The following THADA variants were observed in gnomAD, a reference collection of about 807,000 sequenced individuals.
The protein encoded by THADA is tRNA (32-2'-O)-methyltransferase regulator THADA.
Under a neutral mutation model 219.8 loss-of-function variants are expected in THADA, and 213 were observed. The observed-to-expected ratio is 0.97, with a 90% CI of 0.87 to 1.09. The LOEUF (loss-of-function observed/expected upper bound fraction) is 1.09, where lower values mean the gene tolerates loss of function less well. THADA is among the 50% of genes least tolerant of loss of function. The probability of loss-of-function intolerance (pLI) is 0.00; values close to 1 mark genes in which losing one functional copy is unlikely to be tolerated. For missense variants in THADA, 2,956 were observed against 2,311.3 expected, an observed-to-expected ratio of 1.28 and a Z score of -5.72; for synonymous variants, 1,018 against 828.9, an observed-to-expected ratio of 1.23 and a Z score of -3.92.
intron 29 of THADA, among the ~76,000 whole-genome samples, chr2:43,383,083 A>G (rs960451855): frequency 3.9e-5 from 6 of 152,244 alleles, no homozygotes; most frequent in African/African-American, 1.4e-4. Context: ...CAAAGAAAGC[A>G]CCATGTATGA....
chr2:43,431,112 A>G (rs760858873), intron 26 of THADA, among the ~76,000 whole-genome samples: 3 of 152,246 alleles, frequency 2.0e-5, no homozygotes, highest in Non-Finnish European at 4.4e-5. Flanking sequence ...CTCCATAACT[A>G]TTAAAGAATT....
intron 30 of THADA, among the ~76,000 whole-genome samples, chr2:43,336,213 C>T (rs1666413445): frequency 6.6e-6 from 1 of 152,150 alleles, no homozygotes; most frequent in African/African-American, 2.4e-5. Context: ...GAGCTATGAC[C>T]ATGCCACTGC....
intron 35 of THADA, among the ~76,000 whole-genome samples, chr2:43,281,632 G>C (rs1299240359): frequency 1.9e-4 from 29 of 151,540 alleles, no homozygotes. Context: ...GTAGGGACAG[G>C]TTTTCACCAT....
intron 36 of THADA, among the ~76,000 whole-genome samples, chr2:43,250,343 A>G (rs1331787319): frequency 6.6e-6 from 1 of 152,226 alleles, no homozygotes; most frequent in Non-Finnish European, 1.5e-5. Context: ...GAAAAAACTT[A>G]ATAGGAAAAG....
intron 22 of THADA, 56 bp downstream of exon 22, chr2:43,527,823 A>G: frequency 8.1e-7 from 1 of 1,230,168 alleles, no homozygotes; most frequent in Non-Finnish European, 1.2e-6. Context: ...TACTCCAAGC[A>G]TATGCTTTGT....
intron 14 of THADA, 72 bp from the exon 15 acceptor site, chr2:43,566,893 C>CCACT: frequency 1.9e-6 from 2 of 1,064,514 alleles, no homozygotes; most frequent in Non-Finnish European, 2.5e-6. Flanking sequence ...TATTAAACAC[C>CCACT]CTTTAAGAGT....
intron 25 of THADA, among the ~76,000 whole-genome samples, chr2:43,497,603 C>CT (rs1038662800): frequency 6.6e-6 from 1 of 152,104 alleles, no homozygotes; most frequent in African/African-American, 2.4e-5. Flanking sequence ...ACCTAGATGA[C>CT]AGGCTGAGCG....
chr2:43,312,844 C>T (rs1677664707), intron 31 of THADA, among the ~76,000 whole-genome samples: 1 of 150,754 alleles, frequency 6.6e-6, no homozygotes, highest in Admixed American at 6.7e-5. Flanking sequence ...GCTGAGAAAA[C>T]AGCACCAACT....
intron 30 of THADA, among the ~76,000 whole-genome samples, chr2:43,337,430 T>C (rs1314713562): frequency 3.3e-5 from 5 of 152,116 alleles, no homozygotes; most frequent in African/African-American, 1.2e-4. Flanking sequence ...TTGAGAAGAG[T>C]TAATGAAATA....
intron 36 of THADA, among the ~76,000 whole-genome samples, chr2:43,268,700 C>T (rs1671802916): frequency 6.6e-6 from 1 of 152,308 alleles, no homozygotes; most frequent in African/African-American, 2.4e-5. Context: ...AGTGAAGAGG[C>T]CTCTCCTGGG....
intron 25 of THADA, among the ~76,000 whole-genome samples, chr2:43,495,276 TATG>T (rs1485318964): frequency 6.6e-6 from 1 of 152,174 alleles, no homozygotes; most frequent in Admixed American, 6.5e-5. Context: ...TCATTATAGC[TATG>T]ATATTTATTT....
At chr2:43,302,040 C>T (rs973049311) in intron 31 of THADA, among the ~76,000 whole-genome samples, 2 of 148,824 alleles carry the variant, frequency 1.3e-5, no homozygotes, top group African/African-American at 4.9e-5. Context: ...CCTTCTTTGC[C>T]TTTTTTTTTT....
rs1020233460 is a variant in THADA, at chr2:43,499,097, T to C, written c.3622-142A>G. 3.4e-6 allele frequency: 3 copies of C among 894,672 alleles called. No homozygotes were observed. The African/African-American group carries it at 5.1e-5, about 15-fold the overall frequency. The allele number at this position is 894,672 out of a possible 1,614,324, so 55.4% of individuals were successfully genotyped here. On this transcript the variant is annotated intron_variant, in intron 24 of 37. Transcript: ENST00000405975. ...TAATCCGCAAATGAAATAGCAGATTTAATAAAACACATCCAGTAGCTGATA... is the reference window on the plus strand; with the variant it reads ...TAATCCGCAAATGAAATAGCAGATTCAATAAAACACATCCAGTAGCTGATA...
chr2:43,280,079 GAGC>G (rs988315091), intron 35 of THADA, among the ~76,000 whole-genome samples, 183 bp from the exon 36 acceptor site: 3 of 152,150 alleles, frequency 2.0e-5, no homozygotes, highest in African/African-American at 7.2e-5. Context: ...ACTCCTAAGG[GAGC>G]AGATTTGGAA....
intron 36 of THADA, among the ~76,000 whole-genome samples, chr2:43,274,375 T>C (rs1014844914): frequency 3.9e-5 from 6 of 152,196 alleles, no homozygotes; most frequent in Admixed American, 3.9e-4. Flanking sequence ...TGAAGCTTTC[T>C]TATTTCAAAG....
At chr2:43,524,908 C>T (rs544086570) in intron 22 of THADA, among the ~76,000 whole-genome samples, 1 of 152,216 alleles carries the variant, frequency 6.6e-6, no homozygotes, top group Admixed American at 6.5e-5. Context: ...ATTCAAAAGC[C>T]TCTGTCCTTA....
intron 26 of THADA, among the ~76,000 whole-genome samples, chr2:43,439,913 G>C (rs1449641398): frequency 6.6e-6 from 1 of 151,800 alleles, no homozygotes; most frequent in Non-Finnish European, 1.5e-5. Flanking sequence ...TCATAAAATC[G>C]AAAGTCTTTT....
chr2:43,248,836 A>T (rs1669530224), intron 36 of THADA, among the ~76,000 whole-genome samples: 1 of 151,976 alleles, frequency 6.6e-6, no homozygotes, highest in East Asian at 1.9e-4. Flanking sequence ...GCCCAGTCTG[A>T]CTGGGCTCTC....
chr2:43,384,057 T>G (rs748489171), intron 29 of THADA, among the ~76,000 whole-genome samples: 11 of 152,156 alleles, frequency 7.2e-5, no homozygotes, highest in Non-Finnish European at 1.2e-4. Context: ...CCAAACTTAC[T>G]ATGATCAGTG....
Sources: gnomAD v4.1 joint callset for allele counts (sites outside exome capture counted in the v4.1 genomes callset) on GRCh38, gnomAD v4.1.1 for gene constraint, MANE v1.5 for transcripts, NCBI Gene and HGNC (gene_info 2026-07-23, HGNC 2026-07-21) for gene names.